Variants in MCTP1 observed in about 807,000 individuals in gnomAD.
MCTP1 encodes the protein multiple C2 and transmembrane domain containing 1.
Under a neutral mutation model 120.6 loss-of-function variants are expected in MCTP1, and 69 were observed. The observed-to-expected ratio is 0.57, with a 90% CI of 0.47 to 0.70. MCTP1 has a LOEUF of 0.70. Among genes scored for constraint, MCTP1 ranks in the 30% least tolerant of loss-of-function variants. MCTP1 has a pLI of 0.00. For synonymous variants in MCTP1, 529 were observed against 493.1 expected (o/e 1.07, Z -0.96); for missense variants, 1,203 against 1,248.8 (o/e 0.96, Z 0.55).
chr5:94,970,241 C>T (rs997414957), intron 2 of MCTP1, among the ~76,000 whole-genome samples: 9 of 151,700 alleles, frequency 5.9e-5, no homozygotes, highest in East Asian at 3.9e-4. Flanking sequence ...ACATGCAAGA[C>T]GAAATTATTC....
At chr5:94,977,307 G>C (rs1828331274) in intron 2 of MCTP1, among the ~76,000 whole-genome samples, 1 of 151,976 alleles carries the variant, frequency 6.6e-6, no homozygotes, top group South Asian at 2.1e-4. Context: ...AAATGTTAAT[G>C]AAAGAAATTA....
At chr5:94,783,772 T>A (rs1420196648) in intron 18 of MCTP1, among the ~76,000 whole-genome samples, 1 of 152,096 alleles carries the variant, frequency 6.6e-6, no homozygotes, top group East Asian at 1.9e-4. Flanking sequence ...TTATAATTTT[T>A]CCATGAGTAA....
chr5:95,188,613 T>C (rs1749490694), intron 1 of MCTP1, among the ~76,000 whole-genome samples: 1 of 152,128 alleles, frequency 6.6e-6, no homozygotes, highest in Admixed American at 6.5e-5. Flanking sequence ...TATGATTCCG[T>C]TTAAATAGCA....
intron 1 of MCTP1, among the ~76,000 whole-genome samples, chr5:95,029,001 A>C (rs187836300): frequency 1.1e-4 from 16 of 152,184 alleles, no homozygotes; most frequent in Admixed American, 6.5e-4. Context: ...TCTACTAAAA[A>C]TACAAAAATT....
intron 17 of MCTP1, among the ~76,000 whole-genome samples, chr5:94,855,909 A>G (rs1394468830): frequency 6.6e-6 from 1 of 151,768 alleles, no homozygotes; most frequent in African/African-American, 2.4e-5. Context: ...ACAATATAAT[A>G]TAAACCACCG....
intron 1 of MCTP1, among the ~76,000 whole-genome samples, chr5:95,019,447 C>G (rs898872699): frequency 2.6e-5 from 4 of 151,976 alleles, no homozygotes; most frequent in African/African-American, 7.2e-5. Context: ...CCCCTAGTAA[C>G]CACTTTTTTT....
chr5:95,137,865 C>A (rs3852192), intron 1 of MCTP1, among the ~76,000 whole-genome samples: 51,843 of 151,822 alleles, frequency 0.34, 9,246 homozygotes, highest in Middle Eastern at 0.46. Context: ...GATTCCCTGC[C>A]AAACCAAACT....
intron 1 of MCTP1, among the ~76,000 whole-genome samples, chr5:95,132,609 C>T (rs772681883): frequency 1.3e-5 from 2 of 152,166 alleles, no homozygotes; most frequent in Non-Finnish European, 1.5e-5. Context: ...TCTGCAGTCC[C>T]GCGACCTCAG....
chr5:95,091,841 G>A (rs1195110961), intron 1 of MCTP1, among the ~76,000 whole-genome samples: 1 of 152,214 alleles, frequency 6.6e-6, no homozygotes, highest in African/African-American at 2.4e-5. Flanking sequence ...ATAGTAGCCA[G>A]TACAGAAGTG....
intron 1 of MCTP1, among the ~76,000 whole-genome samples, chr5:95,270,843 T>C (rs1238482675): frequency 6.6e-6 from 1 of 151,786 alleles, no homozygotes; most frequent in Non-Finnish European, 1.5e-5. Flanking sequence ...GGCAGGAGAA[T>C]CGCTTGAACC....
chr5:94,990,954 C>G (rs1263334530), intron 2 of MCTP1, among the ~76,000 whole-genome samples: 1 of 152,128 alleles, frequency 6.6e-6, no homozygotes, highest in African/African-American at 2.4e-5. Flanking sequence ...TACAGTTGTG[C>G]TGGACTTACT....
chr5:95,212,335 G>C (rs1166173873), intron 1 of MCTP1, among the ~76,000 whole-genome samples: 2 of 152,080 alleles, frequency 1.3e-5, no homozygotes, highest in South Asian at 2.1e-4. Flanking sequence ...TCTCTGAATA[G>C]ACCAATAACA....
rs761206341 is a variant in MCTP1, at chr5:94,710,850, C to G, written c.2798G>C (p.Cys933Ser). The G allele has an allele frequency of 6.2e-7, 1 of 1,612,634 alleles. No individual in the cohort carries two copies. The highest frequency in any genetic ancestry group is 1.1e-5 in the South Asian group (1 of 91,026). The change falls in exon 21 of 23, where the codon TGC becomes TCC. Residue 933 changes from cysteine to serine, a missense_variant. Physicochemically the swap from Cys to Ser is moderately radical, Grantham distance 112. Coordinates refer to ENST00000515393, the MANE Select transcript of MCTP1 (RefSeq NM_024717.7). ...AAGGACAATGTATCTCAGCGGAATGCAGTACAGGATGGCTGTGAACACACA... is the reference window on the plus strand; with the variant it reads ...AAGGACAATGTATCTCAGCGGAATGGAGTACAGGATGGCTGTGAACACACA... ...ALCVFTAILY[C>S]IPLRYIVLVW...
chr5:95,134,243 CATG>C (rs1759271103), intron 1 of MCTP1, among the ~76,000 whole-genome samples: 1 of 152,128 alleles, frequency 6.6e-6, no homozygotes, highest in Non-Finnish European at 1.5e-5. Flanking sequence ...CTCTATTTTT[CATG>C]ATATCTTGAG....
intron 1 of MCTP1, among the ~76,000 whole-genome samples, chr5:95,061,372 T>C (rs536834145): frequency 6.1e-5 from 9 of 148,748 alleles, no homozygotes; most frequent in Non-Finnish European, 1.3e-4. Flanking sequence ...TTGTTTTCAA[T>C]GTACTTTCAT....
chr5:94,924,002 A>T lies in MCTP1; in HGVS notation c.1232T>A (p.Val411Glu). The stretch of plus-strand genomic sequence containing the variant: ...CTTCACAGAGAAATAAGATCCAACC[A>T]CTTCATTTTCTGAAAGTTCCTAGAA... ...RSSKELSENE[V>E]VGSYFSVKSL... The change falls in exon 7 of 23, where the codon GTG becomes GAG. Residue 411 changes from valine (V) to glutamate (E), a missense_variant. Physicochemically the swap from Val to Glu is moderately radical, Grantham distance 121. Coordinates refer to ENST00000515393, the MANE Select transcript of MCTP1 (RefSeq NM_024717.7). 6.6e-7 allele frequency: 1 copy of T among 1,509,424 alleles called. No homozygotes were observed. The highest frequency in any genetic ancestry group is 8.8e-7 in the Non-Finnish European group (1 of 1,132,490). 93.5% of individuals were successfully genotyped at this position (1,509,424 alleles called of 1,614,324 possible). A position where few individuals can be genotyped will look rare whatever the true frequency, so the allele number is the denominator to read the frequency against.
chr5:94,956,003 C>T (rs1822514916), intron 2 of MCTP1, among the ~76,000 whole-genome samples: 1 of 152,218 alleles, frequency 6.6e-6, no homozygotes, highest in African/African-American at 2.4e-5. Context: ...CGACAGACAC[C>T]TCACACAGGA....
chr5:95,068,408 T>C (rs1359457549), intron 1 of MCTP1, among the ~76,000 whole-genome samples: 1 of 152,110 alleles, frequency 6.6e-6, no homozygotes, highest in Non-Finnish European at 1.5e-5. Context: ...AGGAATCTGA[T>C]CACAATTATT....
chr5:95,020,976 A>C (rs1838099134), intron 1 of MCTP1, among the ~76,000 whole-genome samples: 1 of 152,090 alleles, frequency 6.6e-6, no homozygotes, highest in Non-Finnish European at 1.5e-5. Context: ...ATTTGTTAGA[A>C]TATGTAGCTC....
Sources: allele counts gnomAD v4.1 joint callset (sites outside exome capture counted in the v4.1 genomes callset), GRCh38; gene constraint gnomAD v4.1.1; transcripts MANE v1.5; gene names NCBI Gene and HGNC (gene_info 2026-07-23, HGNC 2026-07-21).